PALM3: variants seen among roughly 807,000 people sequenced by gnomAD.
The protein encoded by PALM3 is paralemmin-3.
A neutral mutation model predicts 27.9 loss-of-function variants in PALM3; 20 were observed. The observed-to-expected ratio is 0.72, with a 90% CI of 0.50 to 1.04. PALM3 has a LOEUF of 1.04. Ranked by LOEUF, PALM3 falls within the 50% of genes least tolerant of loss-of-function variation. The probability of loss-of-function intolerance (pLI) is 0.00; values close to 1 mark genes in which losing one functional copy is unlikely to be tolerated. For synonymous variants in PALM3, 328 were observed against 352.7 expected, an observed-to-expected ratio of 0.93 and a Z score of 0.79; for missense variants, 814 against 869.4, an observed-to-expected ratio of 0.94 and a Z score of 0.80.
intron 1 of PALM3, among the ~76,000 whole-genome samples, chr19:14,060,121 GTC>G (rs1976391840): frequency 1.3e-5 from 2 of 152,096 alleles, no homozygotes; most frequent in South Asian, 4.1e-4. Context: ...AGAAAGCGAT[GTC>G]TCTCTGCCTG....
chr19:14,062,028 C>A lies in PALM3; in HGVS notation c.-48G>T. 2 of 982,004 alleles carry A rather than the reference C, an allele frequency of 2.0e-6. No homozygotes were observed. The highest frequency in any genetic ancestry group is 2.4e-6 in the Non-Finnish European group (2 of 826,818). 60.8% of individuals were successfully genotyped at this position (982,004 alleles called of 1,614,324 possible). ...TGGTCTCCGAGTTCTGGACCCACCACCCGCTTGCCTGAAGGTGCCCCGGAG... is the reference window on the plus strand; with the variant it reads ...TGGTCTCCGAGTTCTGGACCCACCAACCGCTTGCCTGAAGGTGCCCCGGAG... On this transcript the variant is annotated 5_prime_UTR_variant, in exon 1 of 7. Transcript: ENST00000669674.
chr19:14,053,540 T>C lies in PALM3; in HGVS notation c.*65A>G. On this transcript the variant is annotated 3_prime_UTR_variant, in exon 7 of 7. Coordinates refer to ENST00000669674, the MANE Select transcript of PALM3 (RefSeq NM_001145028.2). ...GTCCCTGTCTGTGCCTGGGACCCTCTTCTGGGTGCCAAGAGGCCGAGGTAG... is the reference window on the plus strand; with the variant it reads ...GTCCCTGTCTGTGCCTGGGACCCTCCTCTGGGTGCCAAGAGGCCGAGGTAG... 6 of 1,427,170 alleles carry C rather than the reference T, an allele frequency of 4.2e-6. No individual in the cohort carries two copies. Among genetic ancestry groups the C allele is most frequent in the South Asian group, 1.6e-5 (1 of 62,214 alleles). The allele number at this position is 1,427,170 out of a possible 1,614,324, so 88.4% of individuals were successfully genotyped here. A position where few individuals can be genotyped will look rare whatever the true frequency, so the allele number is the denominator to read the frequency against.
intron 3 of PALM3, chr19:14,057,009 A>G: frequency 1.6e-6 from 1 of 610,580 alleles, no homozygotes; most frequent in Non-Finnish European, 2.8e-6. Context: ...TTCCAAAATG[A>G]AACGGGCACT....
Position 14,053,431 on chromosome 19 carries a change from A to C in PALM3, c.*174T>G. The C allele has an allele frequency of 1.6e-6, 1 of 621,134 alleles. No individual in the cohort carries two copies. The highest frequency in any genetic ancestry group is 2.5e-6 in the Non-Finnish European group (1 of 394,020). 38.5% of individuals were successfully genotyped at this position (621,134 alleles called of 1,614,324 possible). A position where few individuals can be genotyped will look rare whatever the true frequency, so the allele number is the denominator to read the frequency against. On this transcript the variant is annotated 3_prime_UTR_variant, in exon 7 of 7. Coordinates refer to ENST00000669674, the MANE Select transcript of PALM3 (RefSeq NM_001145028.2). ...CATCGCAGAAGGAGGCCAGGGTTAC[A>C]GGCAGTGGGCAAGGGGTCTGGAAGC...
Position 14,055,170 on chromosome 19 carries a change from G to A in PALM3, c.502C>T (p.Pro168Ser), listed in dbSNP as rs867373130. ...SLPAGLVGTPPESPSEPREDV... is the reference protein window; with the variant it reads ...SLPAGLVGTPSESPSEPREDV... ...TCCCTGGGCTCAGAGGGGGACTCTGGAGGCGTGCCCACTAGTCCAGCCGGC... is the reference window on the plus strand; with the variant it reads ...TCCCTGGGCTCAGAGGGGGACTCTGAAGGCGTGCCCACTAGTCCAGCCGGC... The change falls in exon 7 of 7, where the codon CCA (proline) becomes TCA (serine). Residue 168 changes from proline to serine, a missense_variant. Transcript: ENST00000669674. 5.2e-6 allele frequency: 8 copies of A among 1,548,870 alleles called. No individual in the cohort carries two copies. The African/African-American group carries it at 9.6e-5, about 19-fold the overall frequency.
chr19:14,055,316 T>G (rs1976285613), intron 6 of PALM3, 64 bp downstream of exon 6: 3 of 1,435,430 alleles, frequency 2.1e-6, no homozygotes, highest in Non-Finnish European at 2.7e-6. Context: ...TCCCCTTGAG[T>G]CACCCTCTCA....
At chr19:14,056,845 C>A (rs1976314278) in intron 3 of PALM3, 41 bp from the exon 4 acceptor site, 1 of 1,501,798 alleles carries the variant, frequency 6.7e-7, no homozygotes, top group South Asian at 1.3e-5. Context: ...ATACAGACTA[C>A]CCCGGTCCAT....
intron 2 of PALM3, 41 bp downstream of exon 2, chr19:14,059,074 A>G: frequency 6.9e-7 from 1 of 1,449,708 alleles, no homozygotes; most frequent in South Asian, 1.4e-5. Flanking sequence ...GCATGGTGGA[A>G]AGTTTGGGGG....
At chr19:14,057,205 C>A in intron 3 of PALM3, 146 bp downstream of exon 3, 1 of 614,224 alleles carries the variant, frequency 1.6e-6, no homozygotes. Flanking sequence ...ACATACCCCG[C>A]CCCGGCCAAG....
intron 2 of PALM3, 53 bp downstream of exon 2, chr19:14,059,062 G>A (rs1415329103): frequency 7.0e-7 from 1 of 1,434,338 alleles, no homozygotes; most frequent in Admixed American, 2.9e-5. Context: ...GACGAGAAGG[G>A]AGCATGGTGG....
At chr19:14,059,877 A>G (rs1403400369) in intron 1 of PALM3, among the ~76,000 whole-genome samples, 2 of 152,078 alleles carry the variant, frequency 1.3e-5, no homozygotes, top group Non-Finnish European at 2.9e-5. Context: ...GGGACTTGCC[A>G]TTTAAGGTTT....
chr19:14,057,760 G>C (rs1976336895), intron 2 of PALM3, among the ~76,000 whole-genome samples: 2 of 151,598 alleles, frequency 1.3e-5, no homozygotes, highest in African/African-American at 2.4e-5. Flanking sequence ...AGCTATCGGG[G>C]GAGGGGCAGA....
In PALM3 at chr19:14,054,176, T is replaced by C; in HGVS notation, c.1496A>G (p.Glu499Gly). The C allele has an allele frequency of 6.4e-7, 1 of 1,551,852 alleles. No individual in the cohort carries two copies. Among genetic ancestry groups the C allele is most frequent in the Non-Finnish European group, 8.7e-7 (1 of 1,147,044 alleles). ...KRGAEEEEVE[E>G]PLGVEKKGGE... ...TCCTTTCTTCTCTACTCCCAATGGT[T>C]CTTCTACCTCCTCCTCCTCTGCCCC... Residue 499 changes from glutamate to glycine, a missense_variant, in exon 7 of 7, where the codon GAA (glutamate) becomes GGA (glycine). Physicochemically the swap from Glu to Gly is moderately conservative, Grantham distance 98. Transcript: ENST00000669674.
At chr19:14,059,209 C>T (rs1006939883) in intron 1 of PALM3, 46 bp from the exon 2 acceptor site, 7 of 1,430,790 alleles carry the variant, frequency 4.9e-6, no homozygotes, top group Non-Finnish European at 6.4e-6. Context: ...ATCTTGAACG[C>T]CCCCCTCTTG....
intron 1 of PALM3, among the ~76,000 whole-genome samples, chr19:14,061,255 G>A (rs1976409653): frequency 6.6e-6 from 1 of 152,162 alleles, no homozygotes; most frequent in Non-Finnish European, 1.5e-5. Context: ...ATAATGCAAT[G>A]GAGGACCTAG....
chr19:14,057,445 A>G lies in PALM3; in HGVS notation c.91-14T>C. 1 of 1,515,264 alleles carries G rather than the reference A, an allele frequency of 6.6e-7. No homozygotes were observed. The highest frequency in any genetic ancestry group is 8.8e-7 in the Non-Finnish European group (1 of 1,130,638). The allele number at this position is 1,515,264 out of a possible 1,614,324, so 93.9% of individuals were successfully genotyped here. On this transcript the variant is annotated splice_polypyrimidine_tract_variant and intron_variant, in intron 2 of 6. Coordinates refer to ENST00000669674, the MANE Select transcript of PALM3 (RefSeq NM_001145028.2). ...CCGCCGCTTCTCCTGCGCACAGAGGACCCGGAGCTGCCCGCCGGCCGGGCG... is the reference window on the plus strand; with the variant it reads ...CCGCCGCTTCTCCTGCGCACAGAGGGCCCGGAGCTGCCCGCCGGCCGGGCG...
intron 1 of PALM3, among the ~76,000 whole-genome samples, chr19:14,061,601 T>C (rs1976414482): frequency 6.6e-6 from 1 of 152,132 alleles, no homozygotes; most frequent in African/African-American, 2.4e-5. Flanking sequence ...ACACTGACTT[T>C]AGGGGCAAAA....
Position 14,062,057 on chromosome 19 carries a change from G to C in PALM3, c.-77C>G. ...CTTGCCTGAAGGTGCCCCGGAGGCT[G>C]TGACTTGGCTGCCTGGAGTGGGGGG... On this transcript the variant is annotated 5_prime_UTR_variant, in exon 1 of 7. Transcript: ENST00000669674. 1 of 936,184 alleles carries C rather than the reference G, an allele frequency of 1.1e-6. No homozygotes were observed. Among genetic ancestry groups the C allele is most frequent in the Non-Finnish European group, 1.3e-6 (1 of 784,798 alleles). 58.0% of individuals were successfully genotyped at this position (936,184 alleles called of 1,614,324 possible).
In PALM3 at chr19:14,055,209, T is replaced by C; in HGVS notation, c.463A>G (p.Lys155Glu). The change falls in exon 7 of 7, where the codon AAG (lysine) becomes GAG (glutamate). Residue 155 changes from lysine to glutamate, a missense_variant. Physicochemically the swap from Lys to Glu is moderately conservative, Grantham distance 56. Coordinates refer to ENST00000669674, the MANE Select transcript of PALM3 (RefSeq NM_001145028.2). The part of the protein sequence containing the change: ...AGSVGQTDLN[K>E]RASLPAGLVG... ...AGTCCAGCCGGCAGGGAGGCTCTCTTGTTCAGATCAGTCTGGCCTGGGGGA... is the reference window on the plus strand; with the variant it reads ...AGTCCAGCCGGCAGGGAGGCTCTCTCGTTCAGATCAGTCTGGCCTGGGGGA... 6.6e-7 allele frequency: 1 copy of C among 1,521,264 alleles called. No individual in the cohort carries two copies. The allele number at this position is 1,521,264 out of a possible 1,614,324, so 94.2% of individuals were successfully genotyped here. A position where few individuals can be genotyped will look rare whatever the true frequency, so the allele number is the denominator to read the frequency against.
Sources: allele counts gnomAD v4.1 joint callset (sites outside exome capture counted in the v4.1 genomes callset), GRCh38; gene constraint gnomAD v4.1.1; transcripts MANE v1.5; gene names NCBI Gene and HGNC (gene_info 2026-07-23, HGNC 2026-07-21).